NOX4: variants seen among roughly 807,000 people sequenced by gnomAD.
NOX4 encodes the protein kidney oxidase-1.
NOX4 carries 69 observed loss-of-function variants against 87.6 expected under a neutral mutation model. The observed-to-expected ratio is 0.79, with a 90% CI of 0.65 to 0.96. The LOEUF (loss-of-function observed/expected upper bound fraction) is 0.96. NOX4 is among the 40% of genes least tolerant of loss of function. The pLI is 0.00. For missense variants in NOX4, 680 were observed against 681.5 expected, an observed-to-expected ratio of 1.00 and a Z score of 0.02; for synonymous variants, 275 against 238.2, an observed-to-expected ratio of 1.15 and a Z score of -1.42.
At chr11:89,476,108 T>C (rs1946157180) in intron 2 of NOX4, among the ~76,000 whole-genome samples, 3 of 152,192 alleles carry the variant, frequency 2.0e-5, no homozygotes, top group South Asian at 2.1e-4. Flanking sequence ...AGCTATCTAC[T>C]ATACTGTACT....
the NOX4 span, among the ~76,000 whole-genome samples, chr11:89,522,062 T>G: frequency 2.0e-5 from 3 of 152,108 alleles, no homozygotes; most frequent in South Asian, 6.2e-4. Context: ...AGGGAAAGCT[T>G]ATACACTGCT....
the NOX4 span, among the ~76,000 whole-genome samples, chr11:89,557,947 T>C: frequency 6.6e-6 from 1 of 151,898 alleles, no homozygotes; most frequent in Non-Finnish European, 1.5e-5. Context: ...GGAGGAGAGA[T>C]TTTTGGGAAG....
rs1169025768 is a variant in NOX4, at chr11:89,427,097, T to C, written c.549-5115A>G. 2.0e-5 allele frequency among the ~76,000 whole-genome samples: 3 copies of C among 152,174 alleles called. No homozygotes were observed. In the East Asian group the frequency reaches 5.8e-4, roughly 29 times the overall value. Reference sequence around the variant, plus strand: ...ACTGTTCTGCAGCCTGCACTGCTGATACCCAGGCAAACAGCATCTGGAGTG... The same window carrying C: ...ACTGTTCTGCAGCCTGCACTGCTGACACCCAGGCAAACAGCATCTGGAGTG... On this transcript the variant is annotated intron_variant, in intron 7 of 17. Coordinates refer to ENST00000263317, the MANE Select transcript of NOX4 (RefSeq NM_016931.5).
rs567326187 is a variant in NOX4, at chr11:89,376,649, G to A, written c.1075-3157C>T. Among the ~76,000 whole-genome samples, 14 of 152,248 alleles carry A rather than the reference G, an allele frequency of 9.2e-5. No homozygotes were observed. In the South Asian group the frequency reaches 1.0e-3, roughly 11 times the overall value. ...TGTAATCCTAGCACTTTGGGAGGCC[G>A]GGGCAGGTGGATCACAAGGTCATGA... On this transcript the variant is annotated intron_variant, in intron 11 of 17. Transcript: ENST00000263317.
intron 11 of NOX4, among the ~76,000 whole-genome samples, chr11:89,394,443 T>A (rs1162618331): frequency 1.3e-5 from 2 of 152,114 alleles, no homozygotes; most frequent in African/African-American, 2.4e-5. Flanking sequence ...AATGTTATGG[T>A]GAAGAAATGA....
At chr11:89,569,132 C>A in the NOX4 span, among the ~76,000 whole-genome samples, 1 of 150,212 alleles carries the variant, frequency 6.7e-6, no homozygotes, top group African/African-American at 2.5e-5. Context: ...TAGGAATAAA[C>A]ATTCTGGACA....
chr11:89,562,390 C>T, the NOX4 span, among the ~76,000 whole-genome samples: 5 of 152,006 alleles, frequency 3.3e-5, no homozygotes, highest in East Asian at 5.8e-4. Context: ...TTATCCTCTC[C>T]TCTCCCTTCC....
chr11:89,465,581 A>T (rs1945650573), intron 2 of NOX4, among the ~76,000 whole-genome samples: 1 of 152,168 alleles, frequency 6.6e-6, no homozygotes, highest in Non-Finnish European at 1.5e-5. Flanking sequence ...GGTTGAACTA[A>T]TTTACACTCT....
At chr11:89,535,580 C>G in the NOX4 span, among the ~76,000 whole-genome samples, 1 of 152,076 alleles carries the variant, frequency 6.6e-6, no homozygotes, top group African/African-American at 2.4e-5. Flanking sequence ...TTTTTGCTTT[C>G]CCTCTTCTGT....
At chr11:89,536,259 G>T in the NOX4 span, among the ~76,000 whole-genome samples, 11 of 146,142 alleles carry the variant, frequency 7.5e-5, no homozygotes, top group East Asian at 2.3e-3. Flanking sequence ...CCATTCTCCT[G>T]CCTCAGTCTT....
chr11:89,551,624 T>G, the NOX4 span, among the ~76,000 whole-genome samples: 7 of 152,170 alleles, frequency 4.6e-5, no homozygotes, highest in Admixed American at 2.0e-4. Flanking sequence ...AGAATGCTTG[T>G]GATTTTTGCA....
At chr11:89,561,874 G>T in the NOX4 span, among the ~76,000 whole-genome samples, 14 of 152,176 alleles carry the variant, frequency 9.2e-5, no homozygotes, top group East Asian at 1.9e-4. Flanking sequence ...GGGAAATTGA[G>T]CAGCGGCCTT....
At chr11:89,529,200 T>A in the NOX4 span, among the ~76,000 whole-genome samples, 2 of 152,312 alleles carry the variant, frequency 1.3e-5, no homozygotes, top group Non-Finnish European at 2.9e-5. Flanking sequence ...ATCTAATCCC[T>A]CTCTCAGTGT....
intron 14 of NOX4, 86 bp downstream of exon 14, chr11:89,341,988 A>T (rs1260046870): frequency 8.7e-7 from 1 of 1,146,026 alleles, no homozygotes; most frequent in Non-Finnish European, 1.2e-6. Flanking sequence ...TAATTCAATA[A>T]GGAATTATTT....
intron 13 of NOX4, 46 bp downstream of exon 13, chr11:89,354,916 C>T: frequency 1.6e-6 from 2 of 1,271,766 alleles, no homozygotes; most frequent in Non-Finnish European, 2.3e-6. Context: ...TCTCCCAGCA[C>T]TATGCCCATT....
chr11:89,336,023 G>A (rs1464928621), intron 16 of NOX4, 78 bp from the exon 17 acceptor site: 7 of 839,214 alleles, frequency 8.3e-6, no homozygotes, highest in African/African-American at 1.8e-5. Context: ...TGCTGGTGCT[G>A]CGGCTTCCCA....
intron 8 of NOX4, among the ~76,000 whole-genome samples, chr11:89,415,845 T>A (rs1279634621): frequency 6.6e-6 from 1 of 152,050 alleles, no homozygotes; most frequent in Non-Finnish European, 1.5e-5. Flanking sequence ...TATAAAAGAT[T>A]TTACCCACTG....
intron 2 of NOX4, among the ~76,000 whole-genome samples, chr11:89,458,327 CTT>C (rs944527731): frequency 4.4e-4 from 67 of 152,176 alleles, no homozygotes; most frequent in African/African-American, 1.6e-3. Context: ...GAATGAAAGA[CTT>C]AATGTAAAAC....
upstream of NOX4, among the ~76,000 whole-genome samples, chr11:89,500,403 A>T (rs904442768): frequency 2.6e-5 from 4 of 152,140 alleles, no homozygotes; most frequent in Non-Finnish European, 5.9e-5. Flanking sequence ...AAATGTCTTC[A>T]TATCAGTGGA....
Sources: gnomAD v4.1 joint callset for allele counts (sites outside exome capture counted in the v4.1 genomes callset) on GRCh38, gnomAD v4.1.1 for gene constraint, MANE v1.5 for transcripts, NCBI Gene and HGNC (gene_info 2026-07-23, HGNC 2026-07-21) for gene names.